Variants in TUSC3 observed in about 807,000 individuals in gnomAD.
TUSC3 encodes dolichyl-diphosphooligosaccharide--protein glycosyltransferase subunit TUSC3.
Under a neutral mutation model 44.8 loss-of-function variants are expected in TUSC3, and 45 were observed. That is an observed-to-expected ratio of 1.00 (90% CI 0.79 to 1.29). The LOEUF (loss-of-function observed/expected upper bound fraction) is 1.29. Ranked by LOEUF, TUSC3 falls within the 50% of genes most tolerant of loss-of-function variation. The pLI, the probability that TUSC3 is intolerant of heterozygous loss-of-function variation, is 0.00. For missense variants in TUSC3, 519 were observed against 437.9 expected, an observed-to-expected ratio of 1.19 and a Z score of -1.65; for synonymous variants, 212 against 152.9, an observed-to-expected ratio of 1.39 and a Z score of -2.85.
At chr8:15,843,676 T>C in the TUSC3 span, among the ~76,000 whole-genome samples, 2 of 151,316 alleles carry the variant, frequency 1.3e-5, no homozygotes, top group Non-Finnish European at 2.9e-5. Context: ...TAATTATCTA[T>C]ATCTATATGG....
chr8:15,599,285 C>T (rs1299253139), intron 1 of TUSC3, among the ~76,000 whole-genome samples: 22 of 151,584 alleles, frequency 1.5e-4, no homozygotes, highest in Admixed American at 1.5e-3. Flanking sequence ...TTGTTTTGTT[C>T]TTATTGATGA....
At chr8:15,454,453 C>G (rs1402850924) in intron 1 of TUSC3, among the ~76,000 whole-genome samples, 1 of 152,160 alleles carries the variant, frequency 6.6e-6, no homozygotes, top group Non-Finnish European at 1.5e-5. Flanking sequence ...AGACGTAGAC[C>G]AATAGGTTAT....
the TUSC3 span, among the ~76,000 whole-genome samples, chr8:15,800,056 A>G: frequency 2.0e-5 from 3 of 152,220 alleles, no homozygotes; most frequent in Non-Finnish European, 4.4e-5. Flanking sequence ...CCAAGGGGAC[A>G]TAACTCCTCT....
intron 1 of TUSC3, among the ~76,000 whole-genome samples, chr8:15,589,054 A>T (rs1803714140): frequency 6.6e-6 from 1 of 152,158 alleles, no homozygotes. Flanking sequence ...GTTTATCATT[A>T]TGCAACGACT....
At chr8:15,512,959 T>TATATATATATATATATATATATA (rs1585071684) in intron 2 of TUSC3, among the ~76,000 whole-genome samples, 1 of 139,826 alleles carries the variant, frequency 7.2e-6, no homozygotes, top group African/African-American at 2.7e-5. Context: ...TATATATATA[T>TATATATATATATATATATATATA]GATTCTTTTT....
At chr8:15,748,320 TG>T (rs1410741958) in intron 8 of TUSC3, 54 bp from the exon 9 acceptor site, 4 of 1,272,802 alleles carry the variant, frequency 3.1e-6, no homozygotes, top group Non-Finnish European at 4.6e-6. Flanking sequence ...TATAAACAAT[TG>T]GGGTTTCATT....
intron 1 of TUSC3, among the ~76,000 whole-genome samples, chr8:15,613,194 T>C (rs1337459110): frequency 6.6e-6 from 1 of 151,272 alleles, no homozygotes; most frequent in African/African-American, 2.4e-5. Context: ...TTGTGCCAAA[T>C]TTGGGGACAA....
intron 1 of TUSC3, 106 bp from the exon 2 acceptor site, chr8:15,622,974 G>T: frequency 9.0e-7 from 1 of 1,111,070 alleles, no homozygotes; most frequent in South Asian, 1.5e-5. Flanking sequence ...CTATAAACTT[G>T]GATATCATTA....
chr8:15,528,473 C>T (rs1374111064), intron 2 of TUSC3, among the ~76,000 whole-genome samples: 1 of 152,198 alleles, frequency 6.6e-6, no homozygotes, highest in Admixed American at 6.5e-5. Context: ...TAACAAATTA[C>T]AGCATTTTTA....
intron 1 of TUSC3, among the ~76,000 whole-genome samples, chr8:15,425,315 AT>A (rs1256908568): frequency 9.8e-5 from 15 of 152,358 alleles, no homozygotes; most frequent in South Asian, 8.3e-4. Flanking sequence ...CAGTTGTGTG[AT>A]TCTTTTTCGC....
intron 6 of TUSC3, among the ~76,000 whole-genome samples, chr8:15,719,222 C>G (rs1810194789): frequency 6.6e-6 from 1 of 152,086 alleles, no homozygotes; most frequent in Non-Finnish European, 1.5e-5. Flanking sequence ...CATTGACCCT[C>G]TTACATTTCC....
At chr8:15,502,953 G>A (rs922688200) in intron 2 of TUSC3, among the ~76,000 whole-genome samples, 4 of 152,130 alleles carry the variant, frequency 2.6e-5, no homozygotes, top group Non-Finnish European at 4.4e-5. Flanking sequence ...TAATTTGGCT[G>A]AACTTAGAAA....
upstream of TUSC3, among the ~76,000 whole-genome samples, chr8:15,536,716 AAAAAAAAAG>A (rs1801528022): frequency 6.9e-5 from 10 of 144,760 alleles, no homozygotes; most frequent in Admixed American, 6.3e-4. Context: ...AAAAAAAAAA[AAAAAAAAAG>A]AATGCAGGAA....
intron 5 of TUSC3, among the ~76,000 whole-genome samples, chr8:15,665,290 A>G (rs1447947175): frequency 6.6e-6 from 1 of 151,488 alleles, no homozygotes; most frequent in Non-Finnish European, 1.5e-5. Context: ...AAAATGAATG[A>G]GAGAAATGTC....
chr8:15,520,051 T>G (rs1429425657), intron 2 of TUSC3, among the ~76,000 whole-genome samples: 1 of 152,176 alleles, frequency 6.6e-6, no homozygotes, highest in Non-Finnish European at 1.5e-5. Flanking sequence ...GTGTACCTAA[T>G]AAGATTCAGA....
At chr8:15,467,070 C>T (rs186058127) in intron 1 of TUSC3, among the ~76,000 whole-genome samples, 27 of 152,032 alleles carry the variant, frequency 1.8e-4, no homozygotes, top group South Asian at 2.1e-4. Context: ...GTACAGTCTT[C>T]GCTTACAGTT....
intron 1 of TUSC3, among the ~76,000 whole-genome samples, chr8:15,565,039 T>G (rs1290632012): frequency 6.6e-6 from 1 of 152,144 alleles, no homozygotes; most frequent in Non-Finnish European, 1.5e-5. Context: ...TATCACAAAT[T>G]TAGAGGCTTA....
At chr8:15,473,985 T>C (rs1306471321) in intron 1 of TUSC3, among the ~76,000 whole-genome samples, 1 of 152,140 alleles carries the variant, frequency 6.6e-6, no homozygotes, top group African/African-American at 2.4e-5. Context: ...TTTTGGTCCT[T>C]ATCTCAACCA....
intron 1 of TUSC3, among the ~76,000 whole-genome samples, chr8:15,603,620 AT>A (rs1467276083): frequency 6.6e-6 from 1 of 151,614 alleles, no homozygotes; most frequent in African/African-American, 2.4e-5. Context: ...TAATATTTTT[AT>A]GAAGAAATTT....
Sources: gnomAD v4.1 joint callset for allele counts (sites outside exome capture counted in the v4.1 genomes callset) on GRCh38, gnomAD v4.1.1 for gene constraint, MANE v1.5 for transcripts, NCBI Gene and HGNC (gene_info 2026-07-23, HGNC 2026-07-21) for gene names.